The following NR3C2 variants were observed in gnomAD, a reference collection of about 807,000 sequenced individuals.
NR3C2 encodes the protein nuclear receptor subfamily 3 group C member 2, also known as mineralocorticoid receptor.
NR3C2 carries 15 observed loss-of-function variants against 86.4 expected under a neutral mutation model. The observed-to-expected ratio is 0.17, with a 90% CI of 0.12 to 0.27. The LOEUF (loss-of-function observed/expected upper bound fraction) is 0.27, where lower values mean the gene tolerates loss of function less well. Ranked by LOEUF, NR3C2 falls within the 10% of genes least tolerant of loss-of-function variation. The pLI is 1.00. For synonymous variants in NR3C2, 458 were observed against 450.5 expected (o/e 1.02, Z -0.21); for missense variants, 960 against 1,195.6 (o/e 0.80, Z 2.91).
intron 8 of NR3C2, among the ~76,000 whole-genome samples, chr4:148,084,913 T>TTA (rs1730742530): frequency 6.6e-6 from 1 of 152,058 alleles, no homozygotes; most frequent in Admixed American, 6.6e-5. Flanking sequence ...AAGGAGGGCA[T>TTA]TACATAATGG....
At chr4:148,187,940 C>T (rs897334053) in intron 4 of NR3C2, among the ~76,000 whole-genome samples, 1 of 152,134 alleles carries the variant, frequency 6.6e-6, no homozygotes, top group African/African-American at 2.4e-5. Context: ...CTACGTGTGG[C>T]CAGGCAATTA....
rs145670736 is a variant in NR3C2, at chr4:148,152,552, T to G, written c.2427A>C (p.Leu809=). The G allele has an allele frequency of 1.2e-6, 2 of 1,614,130 alleles. No individual in the cohort carries two copies. Among genetic ancestry groups the G allele is most frequent in the East Asian group, 2.2e-5 (1 of 44,874 alleles). ...ITLIQYSWMC[L]SSFALSWRSY... Reference sequence around the variant, plus strand: ...ATCTCCAGCTCAAGGCAAATGATGATAGACACATCCAAGAATACTGGATTA... The same window carrying G: ...ATCTCCAGCTCAAGGCAAATGATGAGAGACACATCCAAGAATACTGGATTA... The change falls in exon 6 of 9, where the codon CTA becomes CTC. Residue 809 remains leucine, a synonymous_variant. Coordinates refer to ENST00000358102, the MANE Select transcript of NR3C2 (RefSeq NM_000901.5).
intron 2 of NR3C2, among the ~76,000 whole-genome samples, chr4:148,264,979 AC>A (rs1319061221): frequency 6.6e-6 from 1 of 152,184 alleles, no homozygotes; most frequent in East Asian, 1.9e-4. Context: ...ATCCCTCCAA[AC>A]CATTTTAATA....
intron 2 of NR3C2, among the ~76,000 whole-genome samples, chr4:148,343,281 T>C (rs1040682349): frequency 1.3e-5 from 2 of 152,170 alleles, no homozygotes; most frequent in Non-Finnish European, 2.9e-5. Context: ...TATCTCAAGT[T>C]CACTTTCTGT....
At chr4:148,084,659 C>G (rs1255072173) in intron 8 of NR3C2, among the ~76,000 whole-genome samples, 1 of 152,208 alleles carries the variant, frequency 6.6e-6, no homozygotes, top group African/African-American at 2.4e-5. Context: ...TAAATTCACA[C>G]ATAACAGTGG....
In NR3C2 at chr4:148,079,500, ATAAT is replaced by A. The variant is rs570043057; in HGVS notation, c.*1840_*1843del. 0.012 allele frequency: 1,780 copies of A among 152,744 alleles called. 42 individuals are homozygous for A. The highest frequency in any genetic ancestry group is 0.04 in the African/African-American group (1,660 of 41,566). The allele number at this position is 152,744 out of a possible 1,614,324, so 9.5% of individuals were successfully genotyped here. A position where few individuals can be genotyped will look rare whatever the true frequency, so the allele number is the denominator to read the frequency against. On this transcript the variant is annotated 3_prime_UTR_variant, in exon 9 of 9. Transcript: ENST00000358102. Reference sequence around the variant, plus strand: ...AGCTACAGCTTTTAGATTTTGGAAAATAATTAATATGATTTCACTGAGTAAACCT... The same window carrying A: ...AGCTACAGCTTTTAGATTTTGGAAAATAATATGATTTCACTGAGTAAACCT...
chr4:148,444,849 T>C (rs1750508462), upstream of NR3C2: 1 of 984,676 alleles, frequency 1.0e-6, no homozygotes, highest in South Asian at 4.7e-5. Flanking sequence ...GACAGCGGCG[T>C]CCCTGGGAGC....
At chr4:148,427,478 AG>A (rs1157248556) in intron 2 of NR3C2, among the ~76,000 whole-genome samples, 1 of 151,860 alleles carries the variant, frequency 6.6e-6, no homozygotes, top group East Asian at 1.9e-4. Flanking sequence ...ATCAAGCCCA[AG>A]GGTGGCTCAG....
intron 6 of NR3C2, among the ~76,000 whole-genome samples, chr4:148,143,083 T>C (rs2149755347): frequency 6.6e-6 from 1 of 152,322 alleles, no homozygotes; most frequent in East Asian, 1.9e-4. Flanking sequence ...CAGTCTCAGG[T>C]ATTTCTGTAC....
chr4:148,312,074 C>T (rs1383034985), intron 2 of NR3C2, among the ~76,000 whole-genome samples: 2 of 119,068 alleles, frequency 1.7e-5, no homozygotes, highest in Non-Finnish European at 3.2e-5. Flanking sequence ...TAACATATCA[C>T]ATTTTACTTT....
chr4:148,085,876 T>G (rs1040661249), intron 8 of NR3C2, among the ~76,000 whole-genome samples: 4 of 151,980 alleles, frequency 2.6e-5, no homozygotes, highest in Non-Finnish European at 5.9e-5. Context: ...AACTAGAAAA[T>G]CTAGAAGAAA....
intron 4 of NR3C2, among the ~76,000 whole-genome samples, chr4:148,173,014 G>A (rs532908872): frequency 3.3e-5 from 5 of 152,354 alleles, no homozygotes; most frequent in Admixed American, 2.6e-4. Context: ...GAGGTGATGA[G>A]TTGATTACAG....
At chr4:148,138,444 C>A (rs1219531525) in intron 6 of NR3C2, among the ~76,000 whole-genome samples, 1 of 152,188 alleles carries the variant, frequency 6.6e-6, no homozygotes, top group Middle Eastern at 3.4e-3. Context: ...AGTGCAGGTG[C>A]GATCTCGGCT....
chr4:148,258,951 A>C (rs1739958201), intron 3 of NR3C2, among the ~76,000 whole-genome samples: 1 of 152,256 alleles, frequency 6.6e-6, no homozygotes, highest in African/African-American at 2.4e-5. Context: ...CTACCAAATA[A>C]TTAATTGTGT....
chr4:148,440,920 A>T (rs1750308160), intron 1 of NR3C2, among the ~76,000 whole-genome samples: 1 of 152,238 alleles, frequency 6.6e-6, no homozygotes, highest in Non-Finnish European at 1.5e-5. Flanking sequence ...TTTTATATTT[A>T]TTTGACTATA....
chr4:148,319,684 T>C (rs918721036), intron 2 of NR3C2, among the ~76,000 whole-genome samples: 12 of 151,140 alleles, frequency 7.9e-5, no homozygotes, highest in African/African-American at 2.9e-4. Context: ...TGTTTGTCTG[T>C]TGTTGGTGTA....
chr4:148,444,978 G>A (rs1360621464), upstream of NR3C2: 3 of 985,022 alleles, frequency 3.0e-6, no homozygotes, highest in Non-Finnish European at 3.6e-6. Flanking sequence ...GTGTGAGGGG[G>A]CGGTCGCAGG....
At chr4:148,215,485 T>C (rs1389209844) in intron 3 of NR3C2, among the ~76,000 whole-genome samples, 1 of 152,156 alleles carries the variant, frequency 6.6e-6, no homozygotes, top group East Asian at 1.9e-4. Context: ...GGATAAACAG[T>C]ATGGAGAAGG....
chr4:148,372,473 T>A (rs946903540), intron 2 of NR3C2, among the ~76,000 whole-genome samples: 6 of 151,790 alleles, frequency 4.0e-5, no homozygotes, highest in Admixed American at 3.9e-4. Context: ...ACAGATGAGG[T>A]CACAAACCAA....
Sources: gnomAD v4.1 joint callset for allele counts (sites outside exome capture counted in the v4.1 genomes callset) on GRCh38, gnomAD v4.1.1 for gene constraint, MANE v1.5 for transcripts, NCBI Gene and HGNC (gene_info 2026-07-23, HGNC 2026-07-21) for gene names.